Variants in PSD3 observed in about 807,000 individuals in gnomAD.
PSD3 encodes PH and SEC7 domain-containing protein 3.
A neutral mutation model predicts 105.5 loss-of-function variants in PSD3; 49 were observed. The ratio of observed to expected loss-of-function variants is 0.46; its 90% CI spans 0.37 to 0.59. PSD3 has a LOEUF of 0.59. PSD3 is among the 20% of genes least tolerant of loss of function. The pLI is 0.00. For missense variants in PSD3, 1,561 were observed against 1,263.8 expected (o/e 1.24, Z -3.57); for synonymous variants, 557 against 457.8 (o/e 1.22, Z -2.77).
At chr8:18,769,357 A>C (rs1807296287) in intron 8 of PSD3, among the ~76,000 whole-genome samples, 1 of 152,228 alleles carries the variant, frequency 6.6e-6, no homozygotes, top group Non-Finnish European at 1.5e-5. Flanking sequence ...AATTGTTATT[A>C]ATAAACTTCT....
chr8:18,617,528 T>C (rs1805786727), intron 11 of PSD3, among the ~76,000 whole-genome samples: 1 of 152,126 alleles, frequency 6.6e-6, no homozygotes, highest in Non-Finnish European at 1.5e-5. Flanking sequence ...CGAAACTCCA[T>C]CTCAAAAACA....
chr8:18,593,327 A>G (rs1286706824), intron 12 of PSD3, among the ~76,000 whole-genome samples: 3 of 152,240 alleles, frequency 2.0e-5, no homozygotes, highest in Non-Finnish European at 4.4e-5. Flanking sequence ...ATGAACAGAC[A>G]CTTCTCAAAA....
chr8:18,625,919 A>G (rs1278840187), intron 11 of PSD3, among the ~76,000 whole-genome samples: 2 of 132,236 alleles, frequency 1.5e-5, no homozygotes, highest in Non-Finnish European at 3.4e-5. Flanking sequence ...TATTTTGGGT[A>G]TGTTGTTTCC....
In PSD3 at chr8:19,069,382, GA is replaced by G. The variant is rs1423205615; in HGVS notation, c.324+14823del. ...ATTCTTCCAATGGGGGAAGGGAAAG[GA>G]AAAGGAATAGAATTGGAAGAGGGGG... On this transcript the variant is annotated intron_variant, in intron 1 of 1. Transcript: ENST00000521475. 2.6e-5 allele frequency among the ~76,000 whole-genome samples: 4 copies of G among 152,150 alleles called. No homozygotes were observed. In the East Asian group the frequency reaches 5.8e-4, roughly 22 times the overall value.
At chr8:18,900,009 C>A (rs771884233) in intron 2 of PSD3, among the ~76,000 whole-genome samples, 1 of 151,806 alleles carries the variant, frequency 6.6e-6, no homozygotes, top group African/African-American at 2.4e-5. Flanking sequence ...TTTTTTTCTA[C>A]AAGAAAAAAA....
chr8:18,786,818 C>A (rs1275009803), intron 8 of PSD3: 2 of 152,206 alleles, frequency 1.3e-5, no homozygotes, highest in Admixed American at 6.5e-5. Flanking sequence ...TTGTACTCCT[C>A]TGACTCACTG....
chr8:18,636,757 T>C (rs1807282748), intron 10 of PSD3, among the ~76,000 whole-genome samples: 1 of 152,236 alleles, frequency 6.6e-6, no homozygotes, highest in South Asian at 2.1e-4. Flanking sequence ...CTACTGCCTA[T>C]AGTATTTGGC....
chr8:18,825,745 C>T (rs1475062452), intron 4 of PSD3, among the ~76,000 whole-genome samples: 3 of 152,178 alleles, frequency 2.0e-5, no homozygotes, highest in South Asian at 4.1e-4. Flanking sequence ...CCCTAACCTC[C>T]ACACGCAACT....
At chr8:18,989,988 T>G (rs1586587454) in intron 1 of PSD3, among the ~76,000 whole-genome samples, 1 of 152,200 alleles carries the variant, frequency 6.6e-6, no homozygotes, top group South Asian at 2.1e-4. Flanking sequence ...GGCAGAAATC[T>G]ATGTCATTCT....
Position 18,865,286 on chromosome 8 carries a change from A to ATTTTTTTT in PSD3, c.1634+2380_1634+2387dup, listed in dbSNP as rs375872604. On this transcript the variant is annotated intron_variant, in intron 4 of 15. Transcript: ENST00000327040. ...TATATATATATATATATATATATAT[A>ATTTTTTTT]TTTTTTTTTTTTTTTTTTTTTTTAA... 1.4e-3 allele frequency: 20 copies of ATTTTTTTT among 14,112 alleles called. 2 individuals carry two copies. Among genetic ancestry groups the ATTTTTTTT allele is most frequent in the Admixed American group, 4.0e-3 (3 of 754 alleles). The allele number at this position is 14,112 out of a possible 1,614,324, so 0.9% of individuals were successfully genotyped here.
chr8:19,045,447 C>T (rs949528428), intron 1 of PSD3, among the ~76,000 whole-genome samples: 6 of 152,112 alleles, frequency 3.9e-5, no homozygotes, highest in Admixed American at 2.6e-4. Context: ...AGTAGCCAGC[C>T]GCCCTTGAAC....
At chr8:18,880,224 T>C (rs1236038580) in intron 2 of PSD3, among the ~76,000 whole-genome samples, 1 of 152,178 alleles carries the variant, frequency 6.6e-6, no homozygotes, top group Non-Finnish European at 1.5e-5. Flanking sequence ...CAAATTATTG[T>C]TTTAAGATTT....
intron 9 of PSD3, among the ~76,000 whole-genome samples, chr8:18,691,946 C>T (rs577924108): frequency 6.6e-6 from 1 of 152,308 alleles, no homozygotes; most frequent in Non-Finnish European, 1.5e-5. Flanking sequence ...GTCTCATTTT[C>T]ATTTATCAAA....
chr8:18,761,441 A>T (rs938049990), intron 9 of PSD3, among the ~76,000 whole-genome samples: 1 of 152,228 alleles, frequency 6.6e-6, no homozygotes, highest in Non-Finnish European at 1.5e-5. Context: ...GCTAACAGAC[A>T]ATACTTACTA....
At chr8:19,079,576 T>G (rs767089239) in intron 1 of PSD3, among the ~76,000 whole-genome samples, 1 of 152,244 alleles carries the variant, frequency 6.6e-6, no homozygotes, top group African/African-American at 2.4e-5. Context: ...TGTTTACCTT[T>G]AATGAGGTAA....
At chr8:18,949,221 C>A (rs1442017437) in intron 1 of PSD3, among the ~76,000 whole-genome samples, 5 of 11,900 alleles carry the variant, frequency 4.2e-4, no homozygotes, top group Non-Finnish European at 5.5e-4. Flanking sequence ...GACTCTGTCT[C>A]AAAAAAAAAA....
At chr8:18,576,673 G>T (rs1043761840) in intron 12 of PSD3, among the ~76,000 whole-genome samples, 1 of 152,030 alleles carries the variant, frequency 6.6e-6, no homozygotes, top group Non-Finnish European at 1.5e-5. Context: ...TTATAATTAC[G>T]CTATAACAGA....
chr8:18,848,835 C>T (rs569175827), intron 4 of PSD3, among the ~76,000 whole-genome samples: 469 of 152,260 alleles, frequency 3.1e-3, no homozygotes, highest in African/African-American at 0.011. Context: ...TATTGTCATA[C>T]AAAAATGTGG....
At chr8:18,962,840 C>T (rs1824006433) in intron 1 of PSD3, among the ~76,000 whole-genome samples, 1 of 152,216 alleles carries the variant, frequency 6.6e-6, no homozygotes, top group South Asian at 2.1e-4. Context: ...CTTGTCACTC[C>T]TATCTTGCAG....
Sources: allele counts gnomAD v4.1 joint callset (sites outside exome capture counted in the v4.1 genomes callset), GRCh38; gene constraint gnomAD v4.1.1; transcripts MANE v1.5; gene names NCBI Gene and HGNC (gene_info 2026-07-23, HGNC 2026-07-21).